Variants in SNTG1 observed in about 807,000 individuals in gnomAD.
The protein encoded by SNTG1 is syntrophin gamma 1.
Under a neutral mutation model 74.7 loss-of-function variants are expected in SNTG1, and 39 were observed. The ratio of observed to expected loss-of-function variants is 0.52; its 90% CI spans 0.40 to 0.68. The LOEUF (loss-of-function observed/expected upper bound fraction) is 0.68, where lower values mean the gene tolerates loss of function less well. Among genes scored for constraint, SNTG1 ranks in the 30% least tolerant of loss-of-function variants. The pLI is 0.00. For missense variants in SNTG1, 685 were observed against 609.5 expected (o/e 1.12, Z -1.30); for synonymous variants, 254 against 217.1 (o/e 1.17, Z -1.49).
intron 1 of SNTG1, among the ~76,000 whole-genome samples, chr8:50,128,788 T>C (rs980390012): frequency 2.6e-5 from 4 of 152,116 alleles, no homozygotes; most frequent in African/African-American, 9.6e-5. Context: ...ATTACAAAAA[T>C]GTTTGAATAG....
chr8:50,795,729 T>A lies in SNTG1; in HGVS notation c.*2900T>A, dbSNP rs1366440650. ...AACTACTATAATAATGTCTTTTGCC[T>A]GATAAAGAATAACAATTCATCTAAG... On this transcript the variant is annotated 3_prime_UTR_variant, in exon 19 of 19. Transcript: ENST00000642720. 7 of 152,098 alleles carry A rather than the reference T, an allele frequency of 4.6e-5. No individual in the cohort carries two copies. Among genetic ancestry groups the A allele is most frequent in the African/African-American group, 1.7e-4 (7 of 41,446 alleles). 9.4% of individuals were successfully genotyped at this position (152,098 alleles called of 1,614,324 possible).
intron 2 of SNTG1, among the ~76,000 whole-genome samples, chr8:50,322,653 A>G (rs918407043): frequency 6.6e-6 from 1 of 151,912 alleles, no homozygotes; most frequent in African/African-American, 2.4e-5. Flanking sequence ...TCCCTCCTTA[A>G]TGGCAGTAAC....
chr8:49,981,903 T>C (rs1812713318), intron 1 of SNTG1, among the ~76,000 whole-genome samples: 1 of 152,148 alleles, frequency 6.6e-6, no homozygotes, highest in African/African-American at 2.4e-5. Context: ...AAAAGTTAAA[T>C]GATGTCTTTA....
intron 2 of SNTG1, among the ~76,000 whole-genome samples, chr8:50,336,378 C>T (rs1415472012): frequency 1.3e-5 from 2 of 152,234 alleles, no homozygotes; most frequent in South Asian, 2.1e-4. Context: ...TTCTTCTTTC[C>T]ATAATGCTCT....
chr8:50,497,975 A>G (rs1417983391), intron 8 of SNTG1, among the ~76,000 whole-genome samples: 2 of 151,950 alleles, frequency 1.3e-5, no homozygotes, highest in South Asian at 4.1e-4. Context: ...GTCACATTCC[A>G]TTATAAGGAT....
intron 5 of SNTG1, among the ~76,000 whole-genome samples, chr8:50,445,950 A>G (rs7815338): frequency 0.093 from 14,206 of 152,206 alleles, 2,072 homozygotes; most frequent in African/African-American, 0.31. Context: ...GGGGGCTTTA[A>G]GCCAAAATTT....
At chr8:50,406,474 C>T (rs1366081535) in intron 4 of SNTG1, among the ~76,000 whole-genome samples, 1 of 152,084 alleles carries the variant, frequency 6.6e-6, no homozygotes, top group African/African-American at 2.4e-5. Context: ...ATTATGTCAT[C>T]TGTGATTCAA....
At chr8:50,034,933 T>C (rs1818021311) in intron 1 of SNTG1, among the ~76,000 whole-genome samples, 1 of 152,252 alleles carries the variant, frequency 6.6e-6, no homozygotes, top group Non-Finnish European at 1.5e-5. Context: ...TACCCACCAG[T>C]GCCTAGCACT....
chr8:50,244,028 G>T (rs13275607), intron 2 of SNTG1, among the ~76,000 whole-genome samples: 85,940 of 152,006 alleles, frequency 0.57, 28,005 homozygotes, highest in East Asian at 0.83. Context: ...TTGGCTCCTG[G>T]TTCTTCAGGC....
At chr8:50,376,425 GA>G (rs908566611) in intron 2 of SNTG1, among the ~76,000 whole-genome samples, 6 of 151,322 alleles carry the variant, frequency 4.0e-5, no homozygotes, top group East Asian at 1.9e-4. Flanking sequence ...ATAATTTTGT[GA>G]AAAAAAATAT....
intron 2 of SNTG1, among the ~76,000 whole-genome samples, chr8:50,370,513 G>A (rs574999634): frequency 6.6e-6 from 1 of 152,144 alleles, no homozygotes; most frequent in Non-Finnish European, 1.5e-5. Context: ...GAGAGTAGGA[G>A]CAGCGCTCCA....
At chr8:50,580,076 G>T (rs983354856) in intron 12 of SNTG1, among the ~76,000 whole-genome samples, 1 of 152,350 alleles carries the variant, frequency 6.6e-6, no homozygotes, top group East Asian at 1.9e-4. Flanking sequence ...ACCTGCCCAA[G>T]GCCATGGGAG....
intron 9 of SNTG1, 66 bp from the exon 10 acceptor site, chr8:50,530,111 G>T: frequency 8.1e-7 from 1 of 1,239,010 alleles, no homozygotes; most frequent in East Asian, 2.3e-5. Flanking sequence ...AAGTGTAATG[G>T]AATGCATCAG....
chr8:50,424,024 A>G (rs34591227), intron 4 of SNTG1, among the ~76,000 whole-genome samples: 4,725 of 152,234 alleles, frequency 0.031, 86 homozygotes, highest in Non-Finnish European at 0.05. Flanking sequence ...TTTAGACAAG[A>G]ACATCTCTTG....
chr8:50,257,904 G>C (rs962740424), intron 2 of SNTG1, among the ~76,000 whole-genome samples: 1 of 152,168 alleles, frequency 6.6e-6, no homozygotes, highest in Non-Finnish European at 1.5e-5. Context: ...AATGGAAGCC[G>C]ACAGCTAGGT....
At chr8:50,071,739 A>G (rs1156417314) in intron 1 of SNTG1, among the ~76,000 whole-genome samples, 2 of 151,974 alleles carry the variant, frequency 1.3e-5, no homozygotes, top group Non-Finnish European at 2.9e-5. Flanking sequence ...CGGCCTCCCA[A>G]AGTGCTGGGG....
chr8:49,932,061 G>A (rs1807643949), intron 1 of SNTG1, among the ~76,000 whole-genome samples: 1 of 152,100 alleles, frequency 6.6e-6, no homozygotes, highest in South Asian at 2.1e-4. Context: ...TTATACAATT[G>A]AAGCATTAAA....
At chr8:50,352,199 AGGG>A (rs1217731439) in intron 2 of SNTG1, among the ~76,000 whole-genome samples, 17 of 152,168 alleles carry the variant, frequency 1.1e-4, no homozygotes, top group Non-Finnish European at 2.2e-4. Context: ...TTAACTGTTA[AGGG>A]TAAGTAAAAT....
intron 2 of SNTG1, among the ~76,000 whole-genome samples, chr8:50,253,667 A>G (rs1386418562): frequency 9.9e-6 from 1 of 101,314 alleles, no homozygotes; most frequent in Non-Finnish European, 2.6e-5. Context: ...GTATACACAC[A>G]TATATGTATA....
Sources: gnomAD v4.1 joint callset for allele counts (sites outside exome capture counted in the v4.1 genomes callset) on GRCh38, gnomAD v4.1.1 for gene constraint, MANE v1.5 for transcripts, NCBI Gene and HGNC (gene_info 2026-07-23, HGNC 2026-07-21) for gene names.